PAQR6: variants seen among roughly 807,000 people sequenced by gnomAD.
The protein encoded by PAQR6 is membrane progestin receptor delta.
Under a neutral mutation model 36.2 loss-of-function variants are expected in PAQR6, and 34 were observed. That is an observed-to-expected ratio of 0.94 (90% confidence interval 0.71 to 1.25). The LOEUF is 1.25. Ranked by LOEUF, PAQR6 falls within the 50% of genes most tolerant of loss-of-function variation. The pLI, the probability that PAQR6 is intolerant of heterozygous loss-of-function variation, is 0.00. For synonymous variants in PAQR6, 190 were observed against 190.7 expected (o/e 1.00, Z 0.03); for missense variants, 431 against 445.7 (o/e 0.97, Z 0.30).
chr1:156,246,033 C>T (rs1165953075), intron 3 of PAQR6, 46 bp from the exon 4 acceptor site: 1 of 1,589,612 alleles, frequency 6.3e-7, no homozygotes, highest in Non-Finnish European at 8.5e-7. Context: ...CCGCGACTGC[C>T]GCTGCAGCCC....
Position 156,244,882 on chromosome 1 carries a change from G to T in PAQR6, c.639C>A (p.Gly213=), listed in dbSNP as rs1416995794. ...RLGLCWGRGH[G]CGQEALSTSH... is the part of the protein sequence containing the mutation. Reference sequence around the variant, plus strand: ...TGGTGCTCAGGGCCTCCTGCCCACAGCCGTGGCCCCTGCCCCAGCACAGCC... The same window carrying T: ...TGGTGCTCAGGGCCTCCTGCCCACATCCGTGGCCCCTGCCCCAGCACAGCC... Residue 213 remains glycine (G), a synonymous_variant, in exon 7 of 8, where the codon GGC becomes GGA. Coordinates refer to ENST00000292291, the MANE Select transcript of PAQR6 (RefSeq NM_198406.3). The T allele has an allele frequency of 6.2e-7, 1 of 1,613,068 alleles. No individual in the cohort carries two copies. The highest frequency in any genetic ancestry group is 8.5e-7 in the Non-Finnish European group (1 of 1,179,966).
In PAQR6 at chr1:156,244,351, C is replaced by G; in HGVS notation, c.813G>C (p.Gln271His). 6.3e-7 allele frequency: 1 copy of G among 1,586,016 alleles called. No homozygotes were observed. The highest frequency in any genetic ancestry group is 8.6e-7 in the Non-Finnish European group (1 of 1,165,828). ...HICAVLGTHF[Q>H]LEAVLADMGS... The stretch of plus-strand genomic sequence containing the variant: ...CCATATCAGCCAGCACTGCCTCCAG[C>G]TGGAAGTGGGTGCCCAGCACTGCAC... The change falls in exon 8 of 8, where the codon CAG becomes CAC. Residue 271 changes from glutamine to histidine, a missense_variant. By Grantham distance (24) the Gln-to-His change is conservative. Coordinates refer to ENST00000292291, the MANE Select transcript of PAQR6 (RefSeq NM_198406.3).
chr1:156,245,000 CG>C (rs1208692786), intron 6 of PAQR6, 89 bp from the exon 7 acceptor site: 4 of 1,592,284 alleles, frequency 2.5e-6, no homozygotes, highest in South Asian at 2.3e-5. Flanking sequence ...GCAGAGCGGG[CG>C]GGCACAGCTA....
rs1481869302 is a variant in PAQR6 at position 156,243,617 on chromosome 1, G to C, written c.*512C>G. The C allele has an allele frequency of 7.1e-6, 4 of 561,542 alleles. No homozygotes were observed. Among genetic ancestry groups the C allele is most frequent in the Non-Finnish European group, 1.2e-5 (4 of 322,490 alleles). The allele number at this position is 561,542 out of a possible 1,614,324, so 34.8% of individuals were successfully genotyped here. ...ACCTTGAGCACACAGTTATGACCAG[G>C]ACAGACTCATCTCTATAGGCAAATA... On this transcript the variant is annotated 3_prime_UTR_variant, in exon 8 of 8. Transcript: ENST00000292291.
Position 156,245,788 on chromosome 1 carries a change from T to A in PAQR6, c.379A>T (p.Ser127Cys). 1 of 1,596,642 alleles carries A rather than the reference T, an allele frequency of 6.3e-7. No individual in the cohort carries two copies. Among genetic ancestry groups the A allele is most frequent in the Non-Finnish European group, 8.5e-7 (1 of 1,171,908 alleles). Residue 127 changes from serine (S) to cysteine (C), a missense_variant, in exon 4 of 8, where the codon AGT becomes TGT. Ser to Cys is a moderately radical substitution (Grantham distance 112, BLOSUM62 -1). Transcript: ENST00000292291. Reference sequence around the variant, plus strand: ...CCGCGCCTGTCCGGCTCACCCAGACTGTAGAGGCTGAGCGCGCCGTAGTCG... The same window carrying A: ...CCGCGCCTGTCCGGCTCACCCAGACAGTAGAGGCTGAGCGCGCCGTAGTCG... ...FLDYGALSLYSLGCAFPYAAY... is the reference protein window; with the variant it reads ...FLDYGALSLYCLGCAFPYAAY...
At position 156,247,061 on chromosome 1, in the gene PAQR6, G is replaced by A. The variant is rs548708809; in HGVS notation, c.-25-305C>T. 4.6e-4 allele frequency among the ~76,000 whole-genome samples: 70 copies of A among 152,210 alleles called. 1 individual carries two copies. Among genetic ancestry groups the A allele is most frequent in the African/African-American group, 1.6e-3 (67 of 41,538 alleles). ...CTGCCTCAAATAGTGATCCAGCCCC[G>A]CAGGCCCCAGTTTTTGTCTCAGGAA... On this transcript the variant is annotated intron_variant, in intron 1 of 7. Coordinates refer to ENST00000292291, the MANE Select transcript of PAQR6 (RefSeq NM_198406.3).
intron 2 of PAQR6, 97 bp downstream of exon 2, chr1:156,246,584 G>C: frequency 7.3e-7 from 1 of 1,377,262 alleles, no homozygotes; most frequent in African/African-American, 1.4e-5. Context: ...TTCGCCTGCA[G>C]GAGGGGCTGC....
chr1:156,245,271 C>T, intron 5 of PAQR6, 33 bp from the exon 6 acceptor site: 1 of 1,584,306 alleles, frequency 6.3e-7, no homozygotes, highest in Non-Finnish European at 8.7e-7. Flanking sequence ...CGGTCACCAT[C>T]GCTGTGCTTG....
chr1:156,243,824 T>TC lies in PAQR6; in HGVS notation c.*304dup, dbSNP rs765581949. On this transcript the variant is annotated 3_prime_UTR_variant, in exon 8 of 8. Transcript: ENST00000292291. ...AGCCAGATGAAAGGACCCCAACACC[T>TC]CCCCCCGCCAACCTTTGACAGAATA... 12 of 1,536,094 alleles carry TC rather than the reference T, an allele frequency of 7.8e-6. No individual in the cohort carries two copies. The highest frequency in any genetic ancestry group is 1.8e-4 in the Middle Eastern group (1 of 5,692).
At position 156,243,836 on chromosome 1, in the gene PAQR6, C is replaced by G; in HGVS notation, c.*293G>C. The G allele has an allele frequency of 6.4e-7, 1 of 1,551,862 alleles. No homozygotes were observed. Among genetic ancestry groups the G allele is most frequent in the Non-Finnish European group, 8.7e-7 (1 of 1,146,244 alleles). ...GGACCCCAACACCTCCCCCCGCCAA[C>G]CTTTGACAGAATATAGGGGCATCTT... On this transcript the variant is annotated 3_prime_UTR_variant, in exon 8 of 8. Coordinates refer to ENST00000292291, the MANE Select transcript of PAQR6 (RefSeq NM_198406.3).
At position 156,246,739 on chromosome 1, in the gene PAQR6, T is replaced by A. The variant is rs778819885; in HGVS notation, c.-8A>T. 6.2e-7 allele frequency: 1 copy of A among 1,613,544 alleles called. No homozygotes were observed. The highest frequency in any genetic ancestry group is 8.5e-7 in the Non-Finnish European group (1 of 1,179,812). On this transcript the variant is annotated 5_prime_UTR_variant, in exon 2 of 8. Transcript: ENST00000292291. ...CAGCTTGAGACTGAGCATGGTGGCC[T>A]GGTACCTCCACGTTGACCTAGAGAC...
Position 156,243,876 on chromosome 1 carries a change from A to G in PAQR6, c.*253T>C, listed in dbSNP as rs1558206697. On this transcript the variant is annotated 3_prime_UTR_variant, in exon 8 of 8. Transcript: ENST00000292291. The stretch of plus-strand genomic sequence containing the variant: ...AGGGGCATCTTCAGCCTGGACACGC[A>G]TGCATCTCCCCTCTCAGACCCTCAG... 1 of 1,602,634 alleles carries G rather than the reference A, an allele frequency of 6.2e-7. No individual in the cohort carries two copies. Among genetic ancestry groups the G allele is most frequent in the East Asian group, 2.2e-5 (1 of 44,594 alleles).
intron 1 of PAQR6, chr1:156,247,705 A>T (rs1323945719): frequency 2.6e-5 from 5 of 188,970 alleles, no homozygotes. Context: ...CTCCCAGGGT[A>T]TCCCTTGCTC....
chr1:156,246,158 C>T lies in PAQR6; in HGVS notation c.144G>A (p.Glu48=). 5.6e-6 allele frequency: 9 copies of T among 1,613,348 alleles called. No individual in the cohort carries two copies. Among genetic ancestry groups the T allele is most frequent in the Non-Finnish European group, 7.6e-6 (9 of 1,180,020 alleles). ...GGAAGTGAGTCCAGATGTTGACCGTCTCGTTGGTCATCTGGAAGGAGCTGA... is the reference window on the plus strand; with the variant it reads ...GGAAGTGAGTCCAGATGTTGACCGTTTCGTTGGTCATCTGGAAGGAGCTGA... ...CVLSSFQMTN[E]TVNIWTHFLP... is the part of the protein sequence containing the mutation. Residue 48 remains glutamate, a synonymous_variant, in exon 3 of 8, where the codon GAG becomes GAA. Transcript: ENST00000292291.
At chr1:156,246,579 C>T (rs1022580883) in intron 2 of PAQR6, 102 bp downstream of exon 2, 2 of 1,340,892 alleles carry the variant, frequency 1.5e-6, no homozygotes, top group Non-Finnish European at 2.1e-6. Flanking sequence ...AAGAGTTCGC[C>T]TGCAGGAGGG....
Position 156,248,018 on chromosome 1 carries a change from G to A in PAQR6, c.-87C>T, listed in dbSNP as rs1246415904. On this transcript the variant is annotated 5_prime_UTR_variant, in exon 1 of 8. Coordinates refer to ENST00000292291, the MANE Select transcript of PAQR6 (RefSeq NM_198406.3). ...ACAGGCCCAGGGCTCCACGGGCGGA[G>A]TCCAAGGCTGCTGCCAGCCAGGCTG... 1.9e-5 allele frequency: 9 copies of A among 464,122 alleles called. No individual in the cohort carries two copies. 28.8% of individuals were successfully genotyped at this position (464,122 alleles called of 1,614,324 possible).
intron 1 of PAQR6, 106 bp from the exon 2 acceptor site, chr1:156,246,862 G>T: frequency 1.1e-6 from 1 of 917,624 alleles, no homozygotes; most frequent in Non-Finnish European, 1.6e-6. Context: ...GAGGCAGATG[G>T]CACCCTCCCT....
chr1:156,246,468 C>T (rs1185402091), intron 2 of PAQR6, among the ~76,000 whole-genome samples: 2 of 151,990 alleles, frequency 1.3e-5, no homozygotes, highest in African/African-American at 4.8e-5. Context: ...GGGGGTGGAG[C>T]GCAGCACACA....
At position 156,243,752 on chromosome 1, in the gene PAQR6, A is replaced by T; in HGVS notation, c.*377T>A. 1 of 1,338,488 alleles carries T rather than the reference A, an allele frequency of 7.5e-7. No individual in the cohort carries two copies. Among genetic ancestry groups the T allele is most frequent in the Non-Finnish European group, 1.0e-6 (1 of 987,276 alleles). The allele number at this position is 1,338,488 out of a possible 1,614,324, so 82.9% of individuals were successfully genotyped here. On this transcript the variant is annotated 3_prime_UTR_variant, in exon 8 of 8. Transcript: ENST00000292291. ...AGGGTAGGCCTAGGTTAGTCGTGTT[A>T]GTTCTTCCCTGTGCTGAGCAGAGAC...
Sources: allele counts gnomAD v4.1 joint callset (sites outside exome capture counted in the v4.1 genomes callset), GRCh38; gene constraint gnomAD v4.1.1; transcripts MANE v1.5; gene names NCBI Gene and HGNC (gene_info 2026-07-23, HGNC 2026-07-21).